Variants in RYR2 observed in about 807,000 individuals in gnomAD.
The protein encoded by RYR2 is ryanodine receptor 2.
Under a neutral mutation model 601.1 loss-of-function variants are expected in RYR2, and 227 were observed. The observed-to-expected ratio is 0.38, with a 90% CI of 0.34 to 0.42. RYR2 has a LOEUF of 0.42. Ranked by LOEUF, RYR2 falls within the 10% of genes least tolerant of loss-of-function variation. RYR2 has a pLI of 1.00. For missense variants in RYR2, 4,646 were observed against 6,156.5 expected (o/e 0.75, Z 8.21); for synonymous variants, 2,223 against 2,175.1 (o/e 1.02, Z -0.61).
intron 17 of RYR2, among the ~76,000 whole-genome samples, chr1:237,487,877 T>G (rs2026287): frequency 0.28 from 42,059 of 150,952 alleles, 5,948 homozygotes; most frequent in South Asian, 0.41. Context: ...AATTAGAAGC[T>G]GTCAATGTTT....
At chr1:237,694,581 GA>G (rs1687251771) in intron 63 of RYR2, among the ~76,000 whole-genome samples, 1 of 152,044 alleles carries the variant, frequency 6.6e-6, no homozygotes, top group Admixed American at 6.6e-5. Context: ...GAGAAGTTCA[GA>G]AATATTGGAA....
At chr1:237,128,591 C>T (rs1386082800) in intron 1 of RYR2, among the ~76,000 whole-genome samples, 3 of 152,096 alleles carry the variant, frequency 2.0e-5, no homozygotes, top group Admixed American at 2.0e-4. Flanking sequence ...TAATTTGGAC[C>T]ATGACTTTGA....
intron 1 of RYR2, among the ~76,000 whole-genome samples, chr1:237,058,697 A>G (rs1225881281): frequency 2.0e-5 from 3 of 151,504 alleles, no homozygotes; most frequent in African/African-American, 7.3e-5. Flanking sequence ...GGGCCGGATT[A>G]CTTGAGCCCA....
At chr1:237,212,924 A>T (rs2149100964) in intron 1 of RYR2, among the ~76,000 whole-genome samples, 1 of 152,000 alleles carries the variant, frequency 6.6e-6, no homozygotes, top group Non-Finnish European at 1.5e-5. Flanking sequence ...GGCACCCACC[A>T]CCACGCCTGG....
intron 1 of RYR2, among the ~76,000 whole-genome samples, chr1:237,084,488 A>G (rs770077441): frequency 1.3e-5 from 2 of 152,132 alleles, no homozygotes; most frequent in African/African-American, 2.4e-5. Flanking sequence ...GTGACTAGGC[A>G]TGTCTAGTTA....
chr1:237,345,460 T>TAAAAAATAAAAAAA (rs1400869366), intron 3 of RYR2, among the ~76,000 whole-genome samples: 28 of 128,668 alleles, frequency 2.2e-4, no homozygotes, highest in Admixed American at 7.5e-5. Context: ...TGCCAAAAAA[T>TAAAAAATAAAAAAA]AAAAAATAAA....
At chr1:237,208,347 T>C (rs12164681) in intron 1 of RYR2, among the ~76,000 whole-genome samples, 2,003 of 152,270 alleles carry the variant, frequency 0.013, 44 homozygotes, top group African/African-American at 0.046. Context: ...TTGCCTTCTG[T>C]GTGGGTTTAT....
At chr1:237,373,083 G>T (rs1304216845) in intron 6 of RYR2, among the ~76,000 whole-genome samples, 1 of 152,156 alleles carries the variant, frequency 6.6e-6, no homozygotes, top group Non-Finnish European at 1.5e-5. Flanking sequence ...CTTCATGTTT[G>T]TCTGGGAAGT....
At chr1:237,578,997 G>A (rs756547429) in intron 29 of RYR2, among the ~76,000 whole-genome samples, 7 of 151,192 alleles carry the variant, frequency 4.6e-5, no homozygotes, top group African/African-American at 1.2e-4. Flanking sequence ...CTTAAGGACT[G>A]AGAATCAGAT....
intron 24 of RYR2, among the ~76,000 whole-genome samples, chr1:237,521,319 C>A (rs1396180637): frequency 6.6e-6 from 1 of 152,188 alleles, no homozygotes; most frequent in African/African-American, 2.4e-5. Flanking sequence ...TACCAGCAAA[C>A]AAAATGCAAT....
chr1:237,687,369 T>C (rs1374874100), intron 62 of RYR2, 86 bp from the exon 63 acceptor site: 99 of 593,804 alleles, frequency 1.7e-4, no homozygotes, highest in Non-Finnish European at 1.8e-4. Flanking sequence ...TCTTCTTCTT[T>C]TTTTTTTTTT....
chr1:237,667,338 T>C (rs1017947383), intron 57 of RYR2, among the ~76,000 whole-genome samples: 1 of 152,222 alleles, frequency 6.6e-6, no homozygotes, highest in Non-Finnish European at 1.5e-5. Context: ...ATTGCTCCCA[T>C]ATGAACGTAT....
intron 34 of RYR2, among the ~76,000 whole-genome samples, chr1:237,600,744 A>G (rs1191607527): frequency 6.6e-6 from 1 of 152,206 alleles, no homozygotes; most frequent in Non-Finnish European, 1.5e-5. Context: ...GAACACAAAC[A>G]ACAATAGTAA....
At chr1:237,820,634 T>C (rs967818948) in intron 101 of RYR2, among the ~76,000 whole-genome samples, 1 of 152,168 alleles carries the variant, frequency 6.6e-6, no homozygotes, top group Non-Finnish European at 1.5e-5. Context: ...CACAAGTTTT[T>C]TTCATATACC....
Position 237,506,544 on chromosome 1 carries a change from A to G in RYR2, c.2614-166A>G, listed in dbSNP as rs555641720. The stretch of plus-strand genomic sequence containing the variant: ...CAGAGTGAGACTCCGTCTCAAGGGG[A>G]AAAAAAAAAAAAAAGAATGTCGTGA... On this transcript the variant is annotated intron_variant, in intron 22 of 104. Coordinates refer to ENST00000366574, the MANE Select transcript of RYR2 (RefSeq NM_001035.3). 8.2e-3 allele frequency among the ~76,000 whole-genome samples: 745 copies of G among 90,432 alleles called. 18 individuals are homozygous for G. The highest frequency in any genetic ancestry group is 0.056 in the East Asian group (212 of 3,760). The allele number at this position is 90,432 out of a possible 152,430, so 59.3% of individuals were successfully genotyped here.
chr1:237,359,409 T>A (rs965304959), intron 4 of RYR2, among the ~76,000 whole-genome samples: 6 of 152,152 alleles, frequency 3.9e-5, no homozygotes, highest in African/African-American at 1.4e-4. Flanking sequence ...TTCTTGTAAA[T>A]CCCCTTCGGA....
At chr1:237,123,082 C>G (rs1558274123) in intron 1 of RYR2, among the ~76,000 whole-genome samples, 2 of 152,072 alleles carry the variant, frequency 1.3e-5, no homozygotes, top group African/African-American at 2.4e-5. Context: ...TTGTATTAAA[C>G]CATGTGCTCC....
At chr1:237,645,239 A>T (rs547367335) in intron 48 of RYR2, among the ~76,000 whole-genome samples, 1 of 152,144 alleles carries the variant, frequency 6.6e-6, no homozygotes. Flanking sequence ...AACCTTACAA[A>T]CCCAAATCTA....
intron 1 of RYR2, among the ~76,000 whole-genome samples, chr1:237,223,593 TTTTC>T (rs1380834823): frequency 1.6e-4 from 25 of 152,152 alleles, no homozygotes; most frequent in Admixed American, 1.6e-3. Flanking sequence ...CATGACAAAA[TTTTC>T]TTTCTTCTTC....
Sources: gnomAD v4.1 joint callset for allele counts (sites outside exome capture counted in the v4.1 genomes callset) on GRCh38, gnomAD v4.1.1 for gene constraint, MANE v1.5 for transcripts, NCBI Gene and HGNC (gene_info 2026-07-23, HGNC 2026-07-21) for gene names.